The following CDH2 variants were observed in gnomAD, a reference collection of about 807,000 sequenced individuals.
CDH2 encodes cadherin 2, also known as cadherin-2.
Under a neutral mutation model 92.0 loss-of-function variants are expected in CDH2, and 17 were observed. That is an observed-to-expected ratio of 0.18 (90% CI 0.13 to 0.28). CDH2 has a LOEUF of 0.28. Among genes scored for constraint, CDH2 ranks in the 10% least tolerant of loss-of-function variants. The pLI is 1.00. For synonymous variants in CDH2, 419 were observed against 415.9 expected, an observed-to-expected ratio of 1.01 and a Z score of -0.09; for missense variants, 862 against 1,133.1, an observed-to-expected ratio of 0.76 and a Z score of 3.44.
chr18:28,123,423 G>C (rs1214458280), intron 2 of CDH2, among the ~76,000 whole-genome samples: 1 of 152,136 alleles, frequency 6.6e-6, no homozygotes, highest in African/African-American at 2.4e-5. Flanking sequence ...ATGTGATTAA[G>C]TCACAGATAT....
chr18:28,019,464 T>C (rs1454902779), intron 2 of CDH2, among the ~76,000 whole-genome samples: 1 of 152,046 alleles, frequency 6.6e-6, no homozygotes, highest in African/African-American at 2.4e-5. Flanking sequence ...CTGGCACTTA[T>C]TCTATTAATG....
chr18:28,106,327 G>A (rs1047399716), intron 2 of CDH2, among the ~76,000 whole-genome samples: 2 of 152,116 alleles, frequency 1.3e-5, no homozygotes, highest in African/African-American at 4.8e-5. Context: ...TGAGGCAGGA[G>A]AATCGCTTGA....
At chr18:28,128,350 A>G (rs1161695295) in intron 2 of CDH2, among the ~76,000 whole-genome samples, 1 of 152,162 alleles carries the variant, frequency 6.6e-6, no homozygotes, top group African/African-American at 2.4e-5. Flanking sequence ...TGCACCTAAA[A>G]TATCAGATAT....
intron 9 of CDH2, among the ~76,000 whole-genome samples, chr18:27,991,522 T>TA (rs1290994100): frequency 6.6e-6 from 1 of 152,224 alleles, no homozygotes; most frequent in Non-Finnish European, 1.5e-5. Context: ...ACATTTATGC[T>TA]AAGGGGTATA....
chr18:28,149,555 CA>C (rs1380753497), intron 1 of CDH2, among the ~76,000 whole-genome samples: 1 of 151,076 alleles, frequency 6.6e-6, no homozygotes, highest in African/African-American at 2.4e-5. Context: ...TGAAATCTTG[CA>C]AAAAAAAGTA....
chr18:28,130,444 T>C (rs1203679207), intron 2 of CDH2, among the ~76,000 whole-genome samples: 1 of 152,222 alleles, frequency 6.6e-6, no homozygotes, highest in Non-Finnish European at 1.5e-5. Flanking sequence ...GAAATACACA[T>C]GTAAGTGCAG....
downstream of CDH2, among the ~76,000 whole-genome samples, chr18:27,949,688 C>T (rs1388011716): frequency 1.3e-5 from 2 of 151,862 alleles, no homozygotes; most frequent in Non-Finnish European, 2.9e-5. Context: ...GGACTAGAAA[C>T]TAGATCAACC....
chr18:28,132,043 G>A (rs2015780541), intron 2 of CDH2, among the ~76,000 whole-genome samples: 1 of 152,160 alleles, frequency 6.6e-6, no homozygotes, highest in African/African-American at 2.4e-5. Context: ...CAGGCTCATT[G>A]AAAAAGCACA....
At chr18:28,144,729 A>T (rs2016008755) in intron 2 of CDH2, among the ~76,000 whole-genome samples, 1 of 152,112 alleles carries the variant, frequency 6.6e-6, no homozygotes, top group African/African-American at 2.4e-5. Flanking sequence ...GCCATTTTTT[A>T]AAATACAGAA....
At chr18:27,973,889 G>A (rs1003097658) in intron 14 of CDH2, among the ~76,000 whole-genome samples, 2 of 152,136 alleles carry the variant, frequency 1.3e-5, no homozygotes, top group Admixed American at 6.5e-5. Context: ...TGAAAGATGG[G>A]AGAGTCTTTG....
chr18:27,987,623 G>T (rs1357449002), intron 11 of CDH2, among the ~76,000 whole-genome samples: 1 of 152,096 alleles, frequency 6.6e-6, no homozygotes, highest in African/African-American at 2.4e-5. Flanking sequence ...TTAAAATATA[G>T]TTGTGGTTCA....
chr18:27,983,499 C>G (rs2012126989), intron 13 of CDH2, among the ~76,000 whole-genome samples: 1 of 152,126 alleles, frequency 6.6e-6, no homozygotes, highest in South Asian at 2.1e-4. Context: ...GGTCAGTCAT[C>G]ATTACACTCC....
chr18:28,142,613 G>A (rs1315885367), intron 2 of CDH2, among the ~76,000 whole-genome samples: 2 of 151,756 alleles, frequency 1.3e-5, no homozygotes, highest in Admixed American at 1.3e-4. Context: ...CTCCGCCCCT[G>A]AGAATGTACA....
chr18:27,984,975 T>G (rs774361536), intron 13 of CDH2, 25 bp downstream of exon 13: 17 of 1,563,094 alleles, frequency 1.1e-5, no homozygotes, highest in Non-Finnish European at 1.4e-5. Context: ...AGAACTGAAA[T>G]CTAAAAGACA....
chr18:28,164,169 C>A lies in CDH2; in HGVS notation c.60+12794G>T, dbSNP rs368931517. ...ATACAAATGGATGTCAATCTGCTTT[C>A]GGTGTTTTTCTGCCTAGATTCAAAT... On this transcript the variant is annotated intron_variant, in intron 1 of 15. Transcript: ENST00000269141. 1.5e-4 allele frequency among the ~76,000 whole-genome samples: 23 copies of A among 152,212 alleles called. 1 individual carries two copies. The East Asian group carries it at 3.7e-3, about 24-fold the overall frequency.
chr18:28,156,184 G>A (rs1226059644), intron 1 of CDH2, among the ~76,000 whole-genome samples: 1 of 152,136 alleles, frequency 6.6e-6, no homozygotes, highest in Non-Finnish European at 1.5e-5. Flanking sequence ...ATGTGTCCTT[G>A]AGTATCTCTA....
intron 15 of CDH2, among the ~76,000 whole-genome samples, chr18:27,962,392 CTT>C (rs2011429441): frequency 6.6e-6 from 1 of 152,112 alleles, no homozygotes; most frequent in African/African-American, 2.4e-5. Flanking sequence ...TGTTTTAAAA[CTT>C]TTTCTACAAG....
chr18:28,007,714 G>GT (rs780557064), intron 5 of CDH2, among the ~76,000 whole-genome samples: 3 of 151,492 alleles, frequency 2.0e-5, no homozygotes, highest in African/African-American at 4.8e-5. Context: ...TCTGTTATGG[G>GT]TTTTTTTGTT....
chr18:27,933,866 C>T (rs1033300803), intron 6 of CDH2, among the ~76,000 whole-genome samples: 1 of 152,162 alleles, frequency 6.6e-6, no homozygotes, highest in African/African-American at 2.4e-5. Context: ...AAGTATTTAT[C>T]AGAACTTGTT....
Sources: allele counts gnomAD v4.1 joint callset (sites outside exome capture counted in the v4.1 genomes callset), GRCh38; gene constraint gnomAD v4.1.1; transcripts MANE v1.5; gene names NCBI Gene and HGNC (gene_info 2026-07-23, HGNC 2026-07-21).